The following NUP210L variants were observed in gnomAD, a reference collection of about 807,000 sequenced individuals.
The protein encoded by NUP210L is nuclear pore membrane glycoprotein 210-like.
A neutral mutation model predicts 208.5 loss-of-function variants in NUP210L; 74 were observed. The observed-to-expected ratio is 0.35, with a 90% CI of 0.29 to 0.43. The LOEUF is 0.43. NUP210L is among the 20% of genes least tolerant of loss of function. The pLI, the probability that NUP210L is intolerant of heterozygous loss-of-function variation, is 1.00. For missense variants in NUP210L, 1,843 were observed against 2,289.4 expected (o/e 0.81, Z 3.98); for synonymous variants, 780 against 816.9 (o/e 0.95, Z 0.77).
intron 35 of NUP210L, among the ~76,000 whole-genome samples, chr1:154,006,966 A>ATATATATATATATAT (rs1211789619): frequency 8.6e-5 from 10 of 115,786 alleles, no homozygotes; most frequent in African/African-American, 3.0e-4. Context: ...ATATATATAT[A>ATATATATATATATAT]TTTTTTTTTT....
chr1:154,058,725 A>C, intron 20 of NUP210L, 32 bp from the exon 21 acceptor site: 1 of 1,607,818 alleles, frequency 6.2e-7, no homozygotes, highest in Non-Finnish European at 8.5e-7. Flanking sequence ...CTGGATAAAG[A>C]AGCAAACATG....
intron 27 of NUP210L, among the ~76,000 whole-genome samples, chr1:154,040,967 T>C (rs570097372): frequency 3.9e-5 from 6 of 152,188 alleles, no homozygotes; most frequent in African/African-American, 1.2e-4. Context: ...AGTTTCCTTT[T>C]TGTGCCTTTT....
chr1:154,133,258 A>G (rs1658347901), intron 7 of NUP210L, among the ~76,000 whole-genome samples: 1 of 152,146 alleles, frequency 6.6e-6, no homozygotes, highest in Non-Finnish European at 1.5e-5. Flanking sequence ...GGACTTTTCT[A>G]ACTATGCTAG....
At position 154,118,680 on chromosome 1, in the gene NUP210L, A is replaced by AT. The variant is rs1252936514; in HGVS notation, c.1454dup (p.Tyr485Ter). ...TTATAGGACACCATACCTGTACTTTATAACGATATAACATTCCCATAGGAT... is the reference window on the plus strand; with the variant it reads ...TTATAGGACACCATACCTGTACTTTATTAACGATATAACATTCCCATAGGAT... The change falls in exon 11 of 40, where the codon TAT becomes TAAT. Residue 485 changes from tyrosine to a stop codon, truncating the protein, a stop_gained and frameshift_variant. Coordinates refer to ENST00000368559, the Ensembl canonical transcript of NUP210L. LOFTEE classifies it high-confidence loss of function. 6.3e-7 allele frequency: 1 copy of AT among 1,593,604 alleles called. No homozygotes were observed. Among genetic ancestry groups the AT allele is most frequent in the Non-Finnish European group, 8.6e-7 (1 of 1,168,504 alleles).
intron 12 of NUP210L, among the ~76,000 whole-genome samples, chr1:154,110,279 T>C (rs1656977270): frequency 6.7e-6 from 1 of 149,870 alleles, no homozygotes; most frequent in South Asian, 2.1e-4. Context: ...AACCCAATGT[T>C]GTATTTTTTT....
chr1:154,076,102 CTTTTTTT>C (rs60524355), intron 16 of NUP210L, among the ~76,000 whole-genome samples: 13 of 117,940 alleles, frequency 1.1e-4, no homozygotes, highest in South Asian at 2.8e-4. Flanking sequence ...ACAAAGACTT[CTTTTTTT>C]TTTTTTTTTT....
At chr1:154,112,258 T>TGG (rs1657080187) in intron 12 of NUP210L, among the ~76,000 whole-genome samples, 1 of 152,054 alleles carries the variant, frequency 6.6e-6, no homozygotes, top group Non-Finnish European at 1.5e-5. Context: ...AAATCATTAA[T>TGG]GGCCAGACAG....
At chr1:154,083,141 G>A (rs1655439716) in intron 16 of NUP210L, among the ~76,000 whole-genome samples, 1 of 152,148 alleles carries the variant, frequency 6.6e-6, no homozygotes, top group African/African-American at 2.4e-5. Context: ...GCCACTGTCG[G>A]CTCGGTGGCC....
intron 16 of NUP210L, among the ~76,000 whole-genome samples, chr1:154,082,296 G>T (rs949187328): frequency 6.6e-6 from 1 of 152,158 alleles, no homozygotes; most frequent in Non-Finnish European, 1.5e-5. Context: ...CTTTAAAACC[G>T]TGGAGTCAGC....
chr1:154,003,025 T>A (rs1014448178), intron 35 of NUP210L, among the ~76,000 whole-genome samples: 2 of 150,362 alleles, frequency 1.3e-5, no homozygotes, highest in Non-Finnish European at 1.5e-5. Context: ...TTTTTTTTTT[T>A]AAAGAGACAG....
chr1:154,031,510 TC>T (rs1421979100), intron 27 of NUP210L, among the ~76,000 whole-genome samples: 1 of 151,700 alleles, frequency 6.6e-6, no homozygotes, highest in Non-Finnish European at 1.5e-5. Context: ...TAATTAAGCA[TC>T]CCCACTTCCC....
At chr1:154,112,759 G>C (rs1411996225) in intron 12 of NUP210L, among the ~76,000 whole-genome samples, 1 of 151,956 alleles carries the variant, frequency 6.6e-6, no homozygotes, top group African/African-American at 2.4e-5. Flanking sequence ...GAAAAGCTCG[G>C]GTGGGAAGAT....
intron 30 of NUP210L, 120 bp downstream of exon 30, chr1:154,025,422 C>CT: frequency 4.0e-6 from 1 of 251,542 alleles, no homozygotes; most frequent in Non-Finnish European, 5.8e-6. Flanking sequence ...TTTTCTTTTT[C>CT]TTTTTTTCTT....
At chr1:154,090,216 A>G (rs936772797) in intron 15 of NUP210L, among the ~76,000 whole-genome samples, 6 of 117,504 alleles carry the variant, frequency 5.1e-5, no homozygotes, top group South Asian at 2.3e-4. Context: ...CTGTCTCAGG[A>G]AAAAAAAAAA....
At chr1:154,138,132 G>T (rs773644930) in exon 6 of NUP210L, 3 of 1,503,574 alleles carry the variant, frequency 2.0e-6, no homozygotes, top group Non-Finnish European at 2.6e-6. Context: ...AACCATTTTT[G>T]CAACTTGGTA....
At chr1:154,041,714 C>T (rs1652890027) in intron 27 of NUP210L, among the ~76,000 whole-genome samples, 2 of 151,770 alleles carry the variant, frequency 1.3e-5, no homozygotes, top group Non-Finnish European at 2.9e-5. Flanking sequence ...CTTATCATTA[C>T]AGGCTAGACT....
chr1:154,138,268 A>G (rs904697504), intron 5 of NUP210L, 30 bp from the exon 6 acceptor site: 7 of 1,420,328 alleles, frequency 4.9e-6, no homozygotes, highest in Non-Finnish European at 5.7e-6. Flanking sequence ...AAAAAAAAAA[A>G]CAGTTTCCAT....
intron 35 of NUP210L, among the ~76,000 whole-genome samples, chr1:154,008,805 G>C (rs1221099610): frequency 6.6e-6 from 1 of 152,168 alleles, no homozygotes; most frequent in Non-Finnish European, 1.5e-5. Context: ...TAAACAGTTT[G>C]CTGAATGAAC....
Position 154,000,842 on chromosome 1 carries a change from T to C in NUP210L, c.5386+14A>G, listed in dbSNP as rs775793631. On this transcript the variant is annotated intron_variant, in intron 37 of 39. Coordinates refer to ENST00000368559, the Ensembl canonical transcript of NUP210L. ...TTCCTCTCTAGATTATAAATAGGAA[T>C]CTCTGATGCTTACCTGCACCCAACT... 6.2e-7 allele frequency: 1 copy of C among 1,602,340 alleles called. No individual in the cohort carries two copies. Among genetic ancestry groups the C allele is most frequent in the South Asian group, 1.1e-5 (1 of 90,812 alleles).
Sources: allele counts gnomAD v4.1 joint callset (sites outside exome capture counted in the v4.1 genomes callset), GRCh38; gene constraint gnomAD v4.1.1; transcripts MANE v1.5; gene names NCBI Gene and HGNC (gene_info 2026-07-23, HGNC 2026-07-21).